The following PTPN2 variants were observed in gnomAD, a reference collection of about 807,000 sequenced individuals.
The protein encoded by PTPN2 is protein tyrosine phosphatase non-receptor type 2.
A neutral mutation model predicts 57.3 loss-of-function variants in PTPN2; 19 were observed. The observed-to-expected ratio is 0.33, with a 90% CI of 0.23 to 0.49. The LOEUF (loss-of-function observed/expected upper bound fraction) is 0.49. Ranked by LOEUF, PTPN2 falls within the 20% of genes least tolerant of loss-of-function variation. PTPN2 has a pLI of 0.99. For missense variants in PTPN2, 358 were observed against 501.1 expected (o/e 0.71, Z 2.73); for synonymous variants, 153 against 164.9 (o/e 0.93, Z 0.55).
intron 7 of PTPN2, among the ~76,000 whole-genome samples, chr18:12,807,310 G>A (rs1244396524): frequency 6.6e-6 from 1 of 151,768 alleles, no homozygotes; most frequent in Non-Finnish European, 1.5e-5. Flanking sequence ...GGAGAAAGGG[G>A]AACTCTTGTA....
At chr18:12,867,017 AAAAC>A (rs1474709036) in intron 1 of PTPN2, among the ~76,000 whole-genome samples, 5 of 142,506 alleles carry the variant, frequency 3.5e-5, no homozygotes, top group Non-Finnish European at 6.0e-5. Context: ...CAAAAAACAA[AAAAC>A]AAACAAACAA....
At chr18:12,873,329 T>A (rs966078557) in intron 1 of PTPN2, among the ~76,000 whole-genome samples, 1 of 152,138 alleles carries the variant, frequency 6.6e-6, no homozygotes, top group African/African-American at 2.4e-5. Flanking sequence ...AGTCTCCCTC[T>A]GATGCCGAGC....
intron 2 of PTPN2, among the ~76,000 whole-genome samples, chr18:12,845,585 G>T (rs1282718510): frequency 6.6e-6 from 1 of 151,944 alleles, no homozygotes; most frequent in Non-Finnish European, 1.5e-5. Flanking sequence ...GACATTGTTG[G>T]GTAGATTCTT....
Position 12,799,983 on chromosome 18 carries a change from G to C in PTPN2, c.1040+1987C>G, listed in dbSNP as rs549540177. Among the ~76,000 whole-genome samples, 90 of 152,130 alleles carry C rather than the reference G, an allele frequency of 5.9e-4. 2 individuals carry two copies. Among genetic ancestry groups the C allele is most frequent in the East Asian group, 1.9e-4 (1 of 5,168 alleles). ...TTTTGTAATCAGACTTCTCCGCTTA[G>C]AATTCTGACTTTTCTGTTGGGACTC... On this transcript the variant is annotated intron_variant, in intron 8 of 8. Transcript: ENST00000309660.
chr18:12,821,113 C>T (rs987910694), intron 5 of PTPN2, among the ~76,000 whole-genome samples: 2 of 152,136 alleles, frequency 1.3e-5, no homozygotes, highest in Non-Finnish European at 2.9e-5. Flanking sequence ...GGCCCAATTA[C>T]TTTCACACTT....
chr18:12,845,426 A>G (rs966950913), intron 2 of PTPN2, among the ~76,000 whole-genome samples: 3 of 152,196 alleles, frequency 2.0e-5, no homozygotes, highest in African/African-American at 7.2e-5. Context: ...TTATTCCAAC[A>G]TATTCCATTT....
Position 12,817,214 on chromosome 18 carries a change from C to T in PTPN2, c.647G>A (p.Cys216Tyr), listed in dbSNP as rs2145317115. 6.2e-7 allele frequency: 1 copy of T among 1,614,184 alleles called. No individual in the cohort carries two copies. The stretch of plus-strand genomic sequence containing the variant: ...GCCAGAGCGCCCAATGCCTGCACTA[C>T]AGTGGATCACCGCAGGCCCATGGTC... Reference protein sequence around the residue: ...NPDHGPAVIHCSAGIGRSGTF... With the variant: ...NPDHGPAVIHYSAGIGRSGTF... The change falls in exon 6 of 9, where the codon TGT (cysteine) becomes TAT (tyrosine). Residue 216 changes from cysteine to tyrosine, a missense_variant. By Grantham distance (194) the Cys-to-Tyr change is radical. Around this residue, in one of 4 missense-constraint regions of PTPN2, gnomAD observed 193 missense variants for 315.4 expected, o/e 0.61. Coordinates refer to ENST00000309660, the MANE Select transcript of PTPN2 (RefSeq NM_002828.4).
At chr18:12,857,473 T>C (rs543326731) in intron 2 of PTPN2, among the ~76,000 whole-genome samples, 1 of 152,334 alleles carries the variant, frequency 6.6e-6, no homozygotes, top group Non-Finnish European at 1.5e-5. Flanking sequence ...ATACTCGATC[T>C]TTCTGTATTA....
intron 7 of PTPN2, among the ~76,000 whole-genome samples, chr18:12,808,407 A>G (rs915739492): frequency 6.6e-6 from 1 of 152,198 alleles, no homozygotes; most frequent in Non-Finnish European, 1.5e-5. Context: ...TAGACGTGCT[A>G]GTCTAATTTG....
intron 5 of PTPN2, among the ~76,000 whole-genome samples, chr18:12,817,923 T>C (rs2042133128): frequency 6.6e-6 from 1 of 152,114 alleles, no homozygotes; most frequent in Non-Finnish European, 1.5e-5. Context: ...GGCAGATCAC[T>C]TGAGGTCAGG....
At chr18:12,835,071 T>C (rs917004089) in intron 3 of PTPN2, among the ~76,000 whole-genome samples, 1 of 152,164 alleles carries the variant, frequency 6.6e-6, no homozygotes, top group Non-Finnish European at 1.5e-5. Context: ...CGACCCGTTT[T>C]TGGTTGAAAA....
chr18:12,820,721 ACCCACAATTATAGGCTGT>A (rs2042243165), intron 5 of PTPN2, among the ~76,000 whole-genome samples: 1 of 152,014 alleles, frequency 6.6e-6, no homozygotes, highest in African/African-American at 2.4e-5. Flanking sequence ...CGCGGGTTGC[ACCCACAATTATAGGCTGT>A]CCCTGTCTGC....
At chr18:12,861,148 G>T (rs1454283620) in intron 1 of PTPN2, among the ~76,000 whole-genome samples, 2 of 152,130 alleles carry the variant, frequency 1.3e-5, no homozygotes, top group Non-Finnish European at 2.9e-5. Context: ...CCGAGTATCT[G>T]AAGTTTTTAT....
intron 3 of PTPN2, among the ~76,000 whole-genome samples, chr18:12,835,921 G>C (rs2042848130): frequency 6.6e-6 from 1 of 151,674 alleles, no homozygotes; most frequent in Admixed American, 6.6e-5. Flanking sequence ...TTTTTGACTT[G>C]CAGGAGCTGT....
chr18:12,834,609 G>A (rs1349317225), intron 3 of PTPN2, among the ~76,000 whole-genome samples: 1 of 152,088 alleles, frequency 6.6e-6, no homozygotes, highest in African/African-American at 2.4e-5. Flanking sequence ...TGAATACCCA[G>A]TGAAATGCTG....
intron 1 of PTPN2, among the ~76,000 whole-genome samples, chr18:12,865,767 C>T (rs987404213): frequency 6.6e-6 from 1 of 151,776 alleles, no homozygotes; most frequent in African/African-American, 2.4e-5. Flanking sequence ...GCGGAGGTTG[C>T]AGTGAGCCGA....
At chr18:12,843,360 T>C (rs901423312) in intron 2 of PTPN2, among the ~76,000 whole-genome samples, 6 of 152,232 alleles carry the variant, frequency 3.9e-5, no homozygotes, top group Non-Finnish European at 8.8e-5. Context: ...AATTCCTTGG[T>C]AATTCCTATT....
At chr18:12,819,535 G>T (rs1462049647) in intron 5 of PTPN2, among the ~76,000 whole-genome samples, 1 of 151,996 alleles carries the variant, frequency 6.6e-6, no homozygotes, top group African/African-American at 2.4e-5. Context: ...CTGGGGCAGG[G>T]GAGAGGTGAC....
intron 3 of PTPN2, among the ~76,000 whole-genome samples, chr18:12,834,335 AAAAAAAG>A: frequency 6.6e-6 from 1 of 151,536 alleles, no homozygotes; most frequent in Non-Finnish European, 1.5e-5. Flanking sequence ...TCAAAAAAAA[AAAAAAAG>A]AAAGTTATTT....
Sources: gnomAD v4.1 joint callset for allele counts (sites outside exome capture counted in the v4.1 genomes callset) on GRCh38, gnomAD v4.1.1 for gene constraint, gnomAD v4.1.1 regional missense constraint, MANE v1.5 for transcripts, NCBI Gene and HGNC (gene_info 2026-07-23, HGNC 2026-07-21) for gene names.